The following CADPS variants were observed in gnomAD, a reference collection of about 807,000 sequenced individuals.
CADPS encodes the protein calcium-dependent secretion activator 1.
A neutral mutation model predicts 167.3 loss-of-function variants in CADPS; 57 were observed. The ratio of observed to expected loss-of-function variants is 0.34; its 90% confidence interval spans 0.28 to 0.42. The LOEUF is 0.42. CADPS is among the 20% of genes least tolerant of loss of function. The pLI is 1.00. For synonymous variants in CADPS, 676 were observed against 635.3 expected (o/e 1.06, Z -0.96); for missense variants, 1,414 against 1,738.1 (o/e 0.81, Z 3.32).
intron 29 of CADPS, among the ~76,000 whole-genome samples, chr3:62,400,626 A>T: frequency 8.5e-6 from 1 of 117,754 alleles, no homozygotes; most frequent in Non-Finnish European, 1.7e-5. Flanking sequence ...TCAAGATGGC[A>T]TCTTGCTCTG....
At chr3:62,738,933 G>C (rs1280224499) in intron 3 of CADPS, among the ~76,000 whole-genome samples, 1 of 152,100 alleles carries the variant, frequency 6.6e-6, no homozygotes. Context: ...ACAATTTTAT[G>C]CCAGGGCATG....
chr3:62,574,009 A>T (rs2152475389), intron 8 of CADPS, among the ~76,000 whole-genome samples: 1 of 152,308 alleles, frequency 6.6e-6, no homozygotes, highest in East Asian at 1.9e-4. Context: ...TTCTGATGAG[A>T]TTTTAAAACA....
chr3:62,619,906 G>A (rs181672764), intron 6 of CADPS, among the ~76,000 whole-genome samples: 2 of 152,196 alleles, frequency 1.3e-5, no homozygotes, highest in East Asian at 1.9e-4. Flanking sequence ...TATTATTTGT[G>A]GACAGAGGCT....
intron 8 of CADPS, among the ~76,000 whole-genome samples, chr3:62,581,972 G>C (rs1364969071): frequency 6.6e-6 from 1 of 152,118 alleles, no homozygotes; most frequent in Non-Finnish European, 1.5e-5. Flanking sequence ...AAGAAGCAGT[G>C]TTGATTTTTC....
chr3:62,432,369 C>T (rs542222654), intron 28 of CADPS, among the ~76,000 whole-genome samples: 17 of 152,278 alleles, frequency 1.1e-4, no homozygotes, highest in Admixed American at 8.5e-4. Flanking sequence ...TTTCCTCCTT[C>T]TGTCTGTCTT....
intron 6 of CADPS, among the ~76,000 whole-genome samples, chr3:62,599,840 T>TATAA (rs1415710693): frequency 2.7e-4 from 3 of 11,144 alleles, no homozygotes; most frequent in Admixed American, 2.0e-3. Context: ...ATATAATATA[T>TATAA]TATATATATA....
At position 62,577,915 on chromosome 3, in the gene CADPS, G is replaced by C. The variant is rs142323648; in HGVS notation, c.1578-6977C>G. On this transcript the variant is annotated intron_variant, in intron 8 of 29. Coordinates refer to ENST00000383710, the MANE Select transcript of CADPS (RefSeq NM_003716.4). ...ACAAAGATATTCAGCTAATTCCAAA[G>C]AAAGCAGAAAAATAGGAAAAAGGTA... is the stretch of plus-strand genomic sequence containing the variant. Among the ~76,000 whole-genome samples, 123 of 152,166 alleles carry C rather than the reference G, an allele frequency of 8.1e-4. 1 individual carries two copies. Among genetic ancestry groups the C allele is most frequent in the African/African-American group, 2.7e-3 (113 of 41,528 alleles).
chr3:62,482,392 G>A (rs1465820249), intron 21 of CADPS, among the ~76,000 whole-genome samples: 1 of 152,228 alleles, frequency 6.6e-6, no homozygotes, highest in Non-Finnish European at 1.5e-5. Context: ...TAATGGTGAT[G>A]TACAGAAACC....
intron 1 of CADPS, among the ~76,000 whole-genome samples, chr3:62,806,448 C>G (rs1239722485): frequency 6.6e-6 from 1 of 151,594 alleles, no homozygotes; most frequent in Non-Finnish European, 1.5e-5. Context: ...AGGAAGATTG[C>G]TTGAGTATGG....
chr3:62,839,555 A>G (rs1241691736), intron 1 of CADPS, among the ~76,000 whole-genome samples: 1 of 152,190 alleles, frequency 6.6e-6, no homozygotes, highest in Admixed American at 6.5e-5. Flanking sequence ...AGTGAGCAGT[A>G]GGGTGAGGCT....
At chr3:62,802,505 G>T (rs1023039859) in intron 1 of CADPS, among the ~76,000 whole-genome samples, 1 of 151,996 alleles carries the variant, frequency 6.6e-6, no homozygotes, top group Non-Finnish European at 1.5e-5. Flanking sequence ...TCTCTAACAG[G>T]TGCCCAGCAT....
At chr3:62,624,226 A>C (rs9843059) in intron 6 of CADPS, among the ~76,000 whole-genome samples, 32 of 152,108 alleles carry the variant, frequency 2.1e-4, no homozygotes, top group African/African-American at 7.7e-4. Flanking sequence ...TAAGAGTTGC[A>C]CAGGTCCTTG....
In CADPS at chr3:62,626,458, A is replaced by G. The variant is rs1298961193; in HGVS notation, c.1325+19264T>C. On this transcript the variant is annotated intron_variant, in intron 6 of 29. Transcript: ENST00000383710. ...ATTATTCAGTAAACAGAGATTGGGT[A>G]CTGTGACTCTTCAAGCACAAATCTT... 5.7e-6 allele frequency: 4 copies of G among 701,176 alleles called. No homozygotes were observed. In the Admixed American group the frequency reaches 8.0e-5, roughly 14 times the overall value. 43.4% of individuals were successfully genotyped at this position (701,176 alleles called of 1,614,324 possible).
chr3:62,667,081 A>AC (rs1367932096), intron 3 of CADPS, among the ~76,000 whole-genome samples: 4 of 146,918 alleles, frequency 2.7e-5, no homozygotes, highest in African/African-American at 9.9e-5. Flanking sequence ...CACAGAGTGA[A>AC]CAAGCAATCG....
chr3:62,873,617 CTTTT>C (rs3047307), intron 1 of CADPS, among the ~76,000 whole-genome samples: 15 of 132,294 alleles, frequency 1.1e-4, no homozygotes, highest in African/African-American at 4.0e-4. Flanking sequence ...AAATAGGCGC[CTTTT>C]TTTTTTTTTT....
rs1485710161 is a variant in CADPS at position 62,727,273 on chromosome 3, A to G, written c.888+26168T>C. Among the ~76,000 whole-genome samples the G allele has an allele frequency of 3.3e-5, 5 of 151,932 alleles. No homozygotes were observed. In the South Asian group the frequency reaches 1.0e-3, roughly 31 times the overall value. On this transcript the variant is annotated intron_variant, in intron 3 of 29. Coordinates refer to ENST00000383710, the MANE Select transcript of CADPS (RefSeq NM_003716.4). ...ATACTGCACAGCAGTGAAGGAGAAC[A>G]AACTACTGTTACCTGCAACAATATA...
At chr3:62,435,992 TG>T (rs2054944587) in intron 28 of CADPS, among the ~76,000 whole-genome samples, 3 of 152,078 alleles carry the variant, frequency 2.0e-5, no homozygotes, top group Non-Finnish European at 2.9e-5. Context: ...AATTAAAGGC[TG>T]GAGGGCTTGA....
chr3:62,688,312 T>A (rs2151212343), intron 3 of CADPS, among the ~76,000 whole-genome samples: 1 of 152,176 alleles, frequency 6.6e-6, no homozygotes, highest in South Asian at 2.1e-4. Context: ...TATTCTCTAT[T>A]GAGAACCATG....
chr3:62,586,812 TTAATA>T (rs1375317779), intron 7 of CADPS, among the ~76,000 whole-genome samples: 1 of 152,206 alleles, frequency 6.6e-6, no homozygotes, highest in Non-Finnish European at 1.5e-5. Context: ...TTACTTTGTA[TTAATA>T]TATTACCTTA....
Sources: allele counts gnomAD v4.1 joint callset (sites outside exome capture counted in the v4.1 genomes callset), GRCh38; gene constraint gnomAD v4.1.1; transcripts MANE v1.5; gene names NCBI Gene and HGNC (gene_info 2026-07-23, HGNC 2026-07-21).